Variants in EXOC4 observed in about 807,000 individuals in gnomAD.
EXOC4 encodes the protein exocyst complex component 4, also known as SEC8-like 1.
Under a neutral mutation model 107.2 loss-of-function variants are expected in EXOC4, and 71 were observed. That is an observed-to-expected ratio of 0.66 (90% CI 0.55 to 0.81). The LOEUF is 0.81. Among genes scored for constraint, EXOC4 ranks in the 30% least tolerant of loss-of-function variants. The pLI is 0.00. For missense variants in EXOC4, 1,108 were observed against 1,189.6 expected (o/e 0.93, Z 1.01); for synonymous variants, 456 against 441.2 (o/e 1.03, Z -0.42).
intron 10 of EXOC4, among the ~76,000 whole-genome samples, chr7:133,691,612 A>G (rs1400482993): frequency 1.3e-5 from 2 of 152,228 alleles, no homozygotes; most frequent in East Asian, 1.9e-4. Flanking sequence ...GCTTATAAAT[A>G]TAATGGGGAG....
intron 10 of EXOC4, among the ~76,000 whole-genome samples, chr7:133,754,696 A>G (rs1280489050): frequency 1.3e-5 from 2 of 152,242 alleles, no homozygotes; most frequent in East Asian, 1.9e-4. Flanking sequence ...ACTGTTTTAA[A>G]GTCCAACTTG....
chr7:134,048,308 T>C (rs898346352), intron 17 of EXOC4, among the ~76,000 whole-genome samples: 8 of 152,358 alleles, frequency 5.3e-5, no homozygotes, highest in East Asian at 3.9e-4. Context: ...GGTAATTTTT[T>C]AGTCCTGCAA....
At chr7:133,640,870 CTCTT>C (rs1451979453) in intron 10 of EXOC4, among the ~76,000 whole-genome samples, 2 of 102,610 alleles carry the variant, frequency 1.9e-5, no homozygotes, top group Non-Finnish European at 4.3e-5. Flanking sequence ...CTCTCTCTCT[CTCTT>C]TTTTTTTTTA....
At chr7:134,069,966 G>A (rs1333362165), downstream of EXOC4, among the ~76,000 whole-genome samples, 2 of 152,234 alleles carry the variant, frequency 1.3e-5, no homozygotes, top group African/African-American at 4.8e-5. Flanking sequence ...TTCATTCAGG[G>A]CAGATGTGAT....
chr7:133,306,046 A>G lies in EXOC4; in HGVS notation c.641A>G (p.Glu214Gly). ...AGCCGAGTTGTGCAGCGTAACAAGG[A>G]AAAAGGGAAAATCAGGTTAAAGAGG... ...STSRVVQRNK[E>G]KGKISSLVKD... The change falls in exon 4 of 18, where the codon GAA becomes GGA. Residue 214 changes from glutamate to glycine, a missense_variant. Physicochemically the swap from Glu to Gly is moderately conservative, Grantham distance 98. Coordinates refer to ENST00000253861, the MANE Select transcript of EXOC4 (RefSeq NM_021807.4). 6.2e-7 allele frequency: 1 copy of G among 1,609,004 alleles called. No individual in the cohort carries two copies. The highest frequency in any genetic ancestry group is 2.2e-5 in the East Asian group (1 of 44,596).
downstream of EXOC4, among the ~76,000 whole-genome samples, chr7:134,067,250 CA>C (rs1387162616): frequency 1.1e-4 from 17 of 151,360 alleles, no homozygotes; most frequent in African/African-American, 3.9e-4. Flanking sequence ...TACAGAGGTA[CA>C]AATGGGAGGG....
intron 10 of EXOC4, among the ~76,000 whole-genome samples, chr7:133,746,063 C>T (rs1460835363): frequency 6.6e-6 from 1 of 151,922 alleles, no homozygotes; most frequent in Non-Finnish European, 1.5e-5. Flanking sequence ...AAAGTATTAC[C>T]CTATAGTTCA....
intron 11 of EXOC4, among the ~76,000 whole-genome samples, chr7:133,822,167 A>G (rs545973772): frequency 6.6e-6 from 1 of 152,322 alleles, no homozygotes; most frequent in East Asian, 1.9e-4. Context: ...CCTGAAGAGA[A>G]ATTATTCATT....
intron 6 of EXOC4, among the ~76,000 whole-genome samples, chr7:133,360,764 A>G (rs1254357410): frequency 1.3e-5 from 2 of 152,310 alleles, no homozygotes; most frequent in Middle Eastern, 3.4e-3. Flanking sequence ...AAAATAATTC[A>G]TTGTCAAAAA....
intron 14 of EXOC4, among the ~76,000 whole-genome samples, chr7:133,942,979 T>C (rs975108086): frequency 1.3e-5 from 2 of 152,202 alleles, no homozygotes; most frequent in African/African-American, 4.8e-5. Flanking sequence ...CCGTGTAATA[T>C]ATTCTAGATA....
intron 12 of EXOC4, among the ~76,000 whole-genome samples, chr7:133,900,948 C>A (rs1281451944): frequency 6.6e-6 from 1 of 152,184 alleles, no homozygotes; most frequent in South Asian, 2.1e-4. Flanking sequence ...CAGCTCACTG[C>A]AGCCTCCGCC....
intron 11 of EXOC4, among the ~76,000 whole-genome samples, chr7:133,889,127 T>A (rs1799150397): frequency 6.6e-6 from 1 of 152,164 alleles, no homozygotes; most frequent in African/African-American, 2.4e-5. Context: ...TGGAAGGTTT[T>A]TTCTTTGTGC....
chr7:133,477,350 C>G (rs964785110), intron 8 of EXOC4, among the ~76,000 whole-genome samples: 1 of 152,164 alleles, frequency 6.6e-6, no homozygotes, highest in Non-Finnish European at 1.5e-5. Context: ...AACCTCTGAT[C>G]TTTTGACTAT....
At chr7:133,416,187 C>G (rs1348001893) in intron 7 of EXOC4, among the ~76,000 whole-genome samples, 1 of 152,096 alleles carries the variant, frequency 6.6e-6, no homozygotes, top group Non-Finnish European at 1.5e-5. Flanking sequence ...GTGTAAAACA[C>G]ATTAAAAAGG....
At chr7:133,499,722 A>G (rs1042180900) in intron 9 of EXOC4, among the ~76,000 whole-genome samples, 2 of 152,134 alleles carry the variant, frequency 1.3e-5, no homozygotes, top group Middle Eastern at 3.2e-3. Context: ...CTTTAGCACC[A>G]TCCCCTCTGT....
chr7:133,817,304 T>G, intron 10 of EXOC4, 21 bp from the exon 11 acceptor site: 1 of 1,556,462 alleles, frequency 6.4e-7, no homozygotes, highest in Non-Finnish European at 8.9e-7. Context: ...TTTAATAACC[T>G]TCTTACTGTT....
intron 6 of EXOC4, among the ~76,000 whole-genome samples, chr7:133,364,206 GT>G (rs1196342833): frequency 1.2e-3 from 189 of 152,134 alleles, no homozygotes; most frequent in Non-Finnish European, 1.7e-3. Context: ...ATGGCTCACT[GT>G]AGCCTTGACC....
chr7:133,278,099 T>G lies in EXOC4; in HGVS notation c.276+2928T>G, dbSNP rs1014907043. Among the ~76,000 whole-genome samples, 7 of 152,320 alleles carry G rather than the reference T, an allele frequency of 4.6e-5. No homozygotes were observed. In the East Asian group the frequency reaches 1.4e-3, roughly 29 times the overall value. On this transcript the variant is annotated intron_variant, in intron 2 of 17. Coordinates refer to ENST00000253861, the MANE Select transcript of EXOC4 (RefSeq NM_021807.4). ...GTTGAGTGCCCGCTATGTTGCTGATTGTGTTTTAGGTGCTAGGGCTGCACA... is the reference window on the plus strand; with the variant it reads ...GTTGAGTGCCCGCTATGTTGCTGATGGTGTTTTAGGTGCTAGGGCTGCACA...
the EXOC4 span, among the ~76,000 whole-genome samples, chr7:134,079,900 C>CA: frequency 2.2e-3 from 341 of 152,300 alleles, 7 homozygotes; most frequent in East Asian, 0.013. Flanking sequence ...CTCTTGCCCG[C>CA]AAAACCTAAC....
Sources: allele counts gnomAD v4.1 joint callset (sites outside exome capture counted in the v4.1 genomes callset), GRCh38; gene constraint gnomAD v4.1.1; transcripts MANE v1.5; gene names NCBI Gene and HGNC (gene_info 2026-07-23, HGNC 2026-07-21).